Variants in PLPPR5 observed in about 807,000 individuals in gnomAD.
PLPPR5 encodes the protein phospholipid phosphatase-related protein type 5.
Under a neutral mutation model 33.9 loss-of-function variants are expected in PLPPR5, and 16 were observed. The observed-to-expected ratio is 0.47, with a 90% CI of 0.32 to 0.72. PLPPR5 has a LOEUF of 0.72. Ranked by LOEUF, PLPPR5 falls within the 30% of genes least tolerant of loss-of-function variation. The pLI, the probability that PLPPR5 is intolerant of heterozygous loss-of-function variation, is 0.03. For missense variants in PLPPR5, 301 were observed against 406.7 expected, an observed-to-expected ratio of 0.74 and a Z score of 2.23; for synonymous variants, 163 against 150.3, an observed-to-expected ratio of 1.08 and a Z score of -0.62.
At chr1:98,957,962 A>G (rs1190318468) in intron 1 of PLPPR5, among the ~76,000 whole-genome samples, 1 of 152,218 alleles carries the variant, frequency 6.6e-6, no homozygotes, top group Non-Finnish European at 1.5e-5. Context: ...TACAGGAAGT[A>G]TTAATATTCC....
intron 1 of PLPPR5, among the ~76,000 whole-genome samples, chr1:98,981,199 T>C (rs1285659078): frequency 2.6e-5 from 4 of 152,058 alleles, no homozygotes; most frequent in Non-Finnish European, 2.9e-5. Flanking sequence ...ATTTTGCAGA[T>C]AAAGAAAGTG....
At chr1:98,895,596 A>C (rs2101130287) in intron 5 of PLPPR5, among the ~76,000 whole-genome samples, 1 of 152,142 alleles carries the variant, frequency 6.6e-6, no homozygotes, top group African/African-American at 2.4e-5. Context: ...CTCTTTTCCT[A>C]TGCAAAAATA....
At chr1:98,915,233 T>C (rs896727036) in intron 4 of PLPPR5, among the ~76,000 whole-genome samples, 1 of 152,214 alleles carries the variant, frequency 6.6e-6, no homozygotes, top group Admixed American at 6.5e-5. Flanking sequence ...AAATCAATCA[T>C]AACACCATAA....
chr1:98,974,614 TCCC>T (rs1362503529), intron 1 of PLPPR5, among the ~76,000 whole-genome samples: 1 of 152,028 alleles, frequency 6.6e-6, no homozygotes, highest in African/African-American at 2.4e-5. Context: ...ATATTTCTTT[TCCC>T]TTGCTCCCTA....
At chr1:98,919,160 CCTCA>C (rs1649462651) in intron 4 of PLPPR5, among the ~76,000 whole-genome samples, 1 of 152,120 alleles carries the variant, frequency 6.6e-6, no homozygotes, top group South Asian at 2.1e-4. Flanking sequence ...TCAGAGAAGG[CCTCA>C]CTATTTTAGT....
intron 5 of PLPPR5, among the ~76,000 whole-genome samples, chr1:98,903,973 C>T (rs1245417625): frequency 2.0e-5 from 3 of 152,294 alleles, no homozygotes; most frequent in Middle Eastern, 3.4e-3. Context: ...AGTTCAATTC[C>T]TTGGGTCACC....
chr1:98,937,805 T>C (rs1281059415), intron 3 of PLPPR5, among the ~76,000 whole-genome samples: 1 of 152,246 alleles, frequency 6.6e-6, no homozygotes, highest in Non-Finnish European at 1.5e-5. Flanking sequence ...GGTTGTTTTA[T>C]GCTAAGTTTG....
intron 5 of PLPPR5, among the ~76,000 whole-genome samples, chr1:98,910,003 G>T (rs766776155): frequency 1.4e-4 from 21 of 152,038 alleles, no homozygotes; most frequent in Non-Finnish European, 2.8e-4. Flanking sequence ...TATAATTAAG[G>T]GATAAATTGC....
At chr1:98,986,995 G>C (rs941593002) in intron 1 of PLPPR5, among the ~76,000 whole-genome samples, 1 of 151,718 alleles carries the variant, frequency 6.6e-6, no homozygotes, top group African/African-American at 2.4e-5. Flanking sequence ...TACTGAAAGA[G>C]CTAAGGTTTT....
intron 1 of PLPPR5, among the ~76,000 whole-genome samples, chr1:98,961,619 T>A (rs1300714805): frequency 1.3e-5 from 2 of 152,220 alleles, no homozygotes; most frequent in African/African-American, 4.8e-5. Flanking sequence ...TATTCATATC[T>A]ATTCTTTCTT....
rs1045287194 is a variant in PLPPR5 at position 99,001,687 on chromosome 1, T to G, written c.237+2748A>C. 4.2e-5 allele frequency among the ~76,000 whole-genome samples: 6 copies of G among 143,746 alleles called. No individual in the cohort carries two copies. In the East Asian group the frequency reaches 6.2e-4, roughly 15 times the overall value. 94.3% of individuals were successfully genotyped at this position (143,746 alleles called of 152,430 possible). A position where few individuals can be genotyped will look rare whatever the true frequency, so the allele number is the denominator to read the frequency against. Reference sequence around the variant, plus strand: ...AAAGTTAAAGATATATATATATATATATATATATATATATATATGAAGCTT... The same window carrying G: ...AAAGTTAAAGATATATATATATATAGATATATATATATATATATGAAGCTT... On this transcript the variant is annotated intron_variant, in intron 1 of 5. Transcript: ENST00000263177.
intron 1 of PLPPR5, among the ~76,000 whole-genome samples, chr1:98,965,198 AG>A (rs1172339377): frequency 6.6e-6 from 1 of 152,116 alleles, no homozygotes; most frequent in Admixed American, 6.5e-5. Context: ...GCAATCTGAC[AG>A]TTTACCTCAT....
At position 98,914,930 on chromosome 1, in the gene PLPPR5, C is replaced by T. The variant is rs753904311; in HGVS notation, c.799-10G>A. The T allele has an allele frequency of 1.2e-6, 2 of 1,607,190 alleles. No individual in the cohort carries two copies. The highest frequency in any genetic ancestry group is 1.7e-6 in the Non-Finnish European group (2 of 1,178,618). ...TCACCACGCACACAACCTAAAATTT[C>T]AGAAGACAATTACAGTTAAAGCAAA... On this transcript the variant is annotated splice_polypyrimidine_tract_variant and intron_variant, in intron 4 of 5. Coordinates refer to ENST00000263177, the MANE Select transcript of PLPPR5 (RefSeq NM_001037317.2).
rs62640872 is a variant in PLPPR5 at position 98,914,891 on chromosome 1, C to T, written c.828G>A (p.Gly276=). 5,450 of 1,611,974 alleles carry T rather than the reference C, an allele frequency of 3.4e-3. 156 individuals are homozygous for T. The African/African-American group carries it at 0.062, about 18-fold the overall frequency. ...LVVCVVNNFK[G]RQAENEHIHM... is the part of the protein sequence containing the mutation. ...GTATATGCTCATTTTCTGCTTGTCT[C>T]CCTTTGAAATTATTCACCACGCACA... Residue 276 remains glycine (G), a synonymous_variant, in exon 5 of 6, where the codon GGG becomes GGA. Transcript: ENST00000263177.
intron 4 of PLPPR5, among the ~76,000 whole-genome samples, chr1:98,916,061 T>G (rs1467465859): frequency 6.6e-6 from 1 of 152,214 alleles, no homozygotes; most frequent in Non-Finnish European, 1.5e-5. Flanking sequence ...TTTCATATTT[T>G]CACAAATGCT....
chr1:98,924,883 CTGAATTTCAAGGGTTATG>C (rs1414135741), intron 3 of PLPPR5, among the ~76,000 whole-genome samples: 12 of 152,096 alleles, frequency 7.9e-5, no homozygotes, highest in Non-Finnish European at 1.6e-4. Flanking sequence ...TGGACAGTGG[CTGAATTTCAAGGGTTATG>C]TGAATTTCAA....
rs767843640 is a variant in PLPPR5, at chr1:98,893,146, A to C, written c.934-42T>G. ...GAATGACAAAGTGAGAGGCTTGGGAACATTAGCTTTGTAAAATATGTAGTA... is the reference window on the plus strand; with the variant it reads ...GAATGACAAAGTGAGAGGCTTGGGACCATTAGCTTTGTAAAATATGTAGTA... On this transcript the variant is annotated intron_variant, in intron 5 of 5. Transcript: ENST00000263177. 1.0e-5 allele frequency: 16 copies of C among 1,590,344 alleles called. No homozygotes were observed. The African/African-American group carries it at 2.0e-4, about 20-fold the overall frequency.
chr1:98,945,870 T>C (rs1650529082), intron 3 of PLPPR5, among the ~76,000 whole-genome samples: 1 of 152,220 alleles, frequency 6.6e-6, no homozygotes, highest in Admixed American at 6.5e-5. Context: ...AATGCAGTAC[T>C]GGCTCTAGGT....
At chr1:98,964,387 TCC>T (rs1324878706) in intron 1 of PLPPR5, among the ~76,000 whole-genome samples, 1 of 152,026 alleles carries the variant, frequency 6.6e-6, no homozygotes, top group Non-Finnish European at 1.5e-5. Context: ...ACACCTGTGG[TCC>T]CAGTGGGAAG....
Sources: gnomAD v4.1 joint callset for allele counts (sites outside exome capture counted in the v4.1 genomes callset) on GRCh38, gnomAD v4.1.1 for gene constraint, MANE v1.5 for transcripts, NCBI Gene and HGNC (gene_info 2026-07-23, HGNC 2026-07-21) for gene names.